The following CLIP2 variants were observed in gnomAD, a reference collection of about 807,000 sequenced individuals.
CLIP2 encodes CAP-Gly domain containing linker protein 2, also known as CAP-Gly domain-containing linker protein 2.
In CLIP2, 41 loss-of-function variants were observed where a neutral mutation model predicts 111.7. The observed-to-expected ratio is 0.37, with a 90% CI of 0.29 to 0.48. CLIP2 has a LOEUF of 0.48. Among genes scored for constraint, CLIP2 ranks in the 20% least tolerant of loss-of-function variants. CLIP2 has a pLI of 0.99. For synonymous variants in CLIP2, 660 were observed against 644.2 expected (o/e 1.02, Z -0.37); for missense variants, 1,160 against 1,422.1 (o/e 0.82, Z 2.96).
chr7:74,360,003 G>A (rs1790279753), intron 6 of CLIP2, among the ~76,000 whole-genome samples, 172 bp from the exon 7 acceptor site: 1 of 152,170 alleles, frequency 6.6e-6, no homozygotes, highest in African/African-American at 2.4e-5. Flanking sequence ...TTCCTACTGG[G>A]TCCCCTCCTT....
chr7:74,310,456 C>T (rs2116484844), intron 1 of CLIP2, among the ~76,000 whole-genome samples: 2 of 151,924 alleles, frequency 1.3e-5, no homozygotes, highest in South Asian at 4.2e-4. Flanking sequence ...CAGGAACTTC[C>T]AGGCTGCAGT....
At chr7:74,296,788 CAAAAAAAA>C (rs3044389) in intron 1 of CLIP2, among the ~76,000 whole-genome samples, 1 of 120,160 alleles carries the variant, frequency 8.3e-6, no homozygotes, top group African/African-American at 3.5e-5. Context: ...GATTTTGTCT[CAAAAAAAA>C]AAAAAAAAAG....
intron 8 of CLIP2, among the ~76,000 whole-genome samples, chr7:74,365,617 G>T (rs1554310692): frequency 6.6e-6 from 1 of 151,936 alleles, no homozygotes; most frequent in South Asian, 2.1e-4. Context: ...GGGCGGGACA[G>T]ACAGTGACAG....
chr7:74,350,735 G>T (rs1406737387), intron 3 of CLIP2, among the ~76,000 whole-genome samples: 1 of 151,846 alleles, frequency 6.6e-6, no homozygotes, highest in Admixed American at 6.6e-5. Flanking sequence ...AGGTATCGTG[G>T]TGTGTTCTGT....
At chr7:74,341,870 G>C (rs1312495020) in intron 3 of CLIP2, among the ~76,000 whole-genome samples, 1 of 152,162 alleles carries the variant, frequency 6.6e-6, no homozygotes, top group Non-Finnish European at 1.5e-5. Flanking sequence ...ACAGGAGAGA[G>C]ACCACGAGGC....
At chr7:74,403,437 C>T (rs1409357661) in intron 16 of CLIP2, among the ~76,000 whole-genome samples, 11 of 151,988 alleles carry the variant, frequency 7.2e-5, no homozygotes, top group East Asian at 1.9e-4. Flanking sequence ...GGCATGGTGG[C>T]GCATGCCTGT....
chr7:74,404,144 A>G lies in CLIP2; in HGVS notation c.*296A>G. On this transcript the variant is annotated 3_prime_UTR_variant, in exon 17 of 17. Transcript: ENST00000223398. ...GAGTTTGTCAGTGGAGGCAGAGGGG[A>G]TCCGGCCAGGCCCCTCTGTCCAGAA... 1 of 437,934 alleles carries G rather than the reference A, an allele frequency of 2.3e-6. No homozygotes were observed. Among genetic ancestry groups the G allele is most frequent in the Non-Finnish European group, 4.3e-6 (1 of 234,486 alleles). The allele number at this position is 437,934 out of a possible 1,614,324, so 27.1% of individuals were successfully genotyped here. A position where few individuals can be genotyped will look rare whatever the true frequency, so the allele number is the denominator to read the frequency against.
intron 3 of CLIP2, among the ~76,000 whole-genome samples, chr7:74,352,233 G>A (rs1408492994): frequency 3.3e-5 from 5 of 151,900 alleles, no homozygotes; most frequent in Non-Finnish European, 2.9e-5. Flanking sequence ...TCAGGAGTTC[G>A]AGACCAGCCT....
Position 74,319,283 on chromosome 7 carries a change from C to T in CLIP2, c.121+1616C>T, listed in dbSNP as rs954213528. Among the ~76,000 whole-genome samples, 3 of 152,120 alleles carry T rather than the reference C, an allele frequency of 2.0e-5. No homozygotes were observed. In the South Asian group the frequency reaches 6.2e-4, roughly 32 times the overall value. On this transcript the variant is annotated intron_variant, in intron 2 of 16. Coordinates refer to ENST00000223398, the MANE Select transcript of CLIP2 (RefSeq NM_003388.5). ...ATCCCAGCACTATGGGAGGCCAACA[C>T]TGGAGGATCACCTAGGTCAGGAGTT...
At chr7:74,372,834 C>A in intron 8 of CLIP2, 98 bp from the exon 9 acceptor site, 1 of 634,206 alleles carries the variant, frequency 1.6e-6, no homozygotes, top group Non-Finnish European at 2.7e-6. Context: ...CTCTCTCTCT[C>A]TCTCTCTTTC....
chr7:74,389,471 G>A lies in CLIP2; in HGVS notation c.2720+212G>A, dbSNP rs1791213649. ...TTCCAAGCAGAGCTTATAGAAAAGAGTAGGGCCAGGCACAGTGGCTCATGC... is the reference window on the plus strand; with the variant it reads ...TTCCAAGCAGAGCTTATAGAAAAGAATAGGGCCAGGCACAGTGGCTCATGC... On this transcript the variant is annotated intron_variant, in intron 13 of 16. Coordinates refer to ENST00000223398, the MANE Select transcript of CLIP2 (RefSeq NM_003388.5). 4 of 457,104 alleles carry A rather than the reference G, an allele frequency of 8.8e-6. No individual in the cohort carries two copies. In the East Asian group the frequency reaches 1.6e-4, roughly 18 times the overall value. The allele number at this position is 457,104 out of a possible 1,614,324, so 28.3% of individuals were successfully genotyped here.
chr7:74,304,383 G>A (rs2116466063), intron 1 of CLIP2, among the ~76,000 whole-genome samples: 1 of 151,858 alleles, frequency 6.6e-6, no homozygotes, highest in African/African-American at 2.4e-5. Flanking sequence ...AAAATTAGCT[G>A]GGCATGATGG....
At chr7:74,302,531 C>T (rs770326006) in intron 1 of CLIP2, among the ~76,000 whole-genome samples, 12 of 152,090 alleles carry the variant, frequency 7.9e-5, no homozygotes, top group East Asian at 7.7e-4. Flanking sequence ...GCCCTGAGCT[C>T]GGACATAGTG....
chr7:74,322,304 C>T (rs2116513937), intron 2 of CLIP2, among the ~76,000 whole-genome samples: 1 of 143,526 alleles, frequency 7.0e-6, no homozygotes, highest in East Asian at 2.2e-4. Flanking sequence ...ATTTTTTAAT[C>T]TTTTTTTTTT....
intron 3 of CLIP2, among the ~76,000 whole-genome samples, chr7:74,339,981 C>T (rs516993): frequency 6.6e-6 from 1 of 151,860 alleles, no homozygotes; most frequent in East Asian, 1.9e-4. Context: ...GTACTCCCAG[C>T]TACTCAGGAG....
At chr7:74,345,424 G>A (rs892060006) in intron 3 of CLIP2, among the ~76,000 whole-genome samples, 4 of 151,866 alleles carry the variant, frequency 2.6e-5, no homozygotes, top group Non-Finnish European at 5.9e-5. Context: ...TAGTGAGACA[G>A]GGTTTCTCCA....
intron 8 of CLIP2, among the ~76,000 whole-genome samples, chr7:74,365,416 T>C (rs1790451662): frequency 6.6e-6 from 1 of 152,158 alleles, no homozygotes; most frequent in African/African-American, 2.4e-5. Context: ...TTCCGATCTG[T>C]GTCTGAGGTC....
chr7:74,308,233 G>A (rs530656009), intron 1 of CLIP2, among the ~76,000 whole-genome samples: 50 of 152,162 alleles, frequency 3.3e-4, no homozygotes, highest in Middle Eastern at 6.4e-3. Context: ...AGTGTCAGGC[G>A]GGTGGTAAGG....
At chr7:74,377,487 A>G (rs1554313190) in intron 10 of CLIP2, among the ~76,000 whole-genome samples, 1 of 152,200 alleles carries the variant, frequency 6.6e-6, no homozygotes, top group Admixed American at 6.5e-5. Flanking sequence ...AGCCCCTCTG[A>G]GGAGGTCAAC....
Sources: gnomAD v4.1 joint callset for allele counts (sites outside exome capture counted in the v4.1 genomes callset) on GRCh38, gnomAD v4.1.1 for gene constraint, MANE v1.5 for transcripts, NCBI Gene and HGNC (gene_info 2026-07-23, HGNC 2026-07-21) for gene names.